The following PLXDC2 variants were observed in gnomAD, a reference collection of about 807,000 sequenced individuals.
PLXDC2 encodes the protein plexin domain-containing protein 2.
Under a neutral mutation model 68.9 loss-of-function variants are expected in PLXDC2, and 40 were observed. That is an observed-to-expected ratio of 0.58 (90% CI 0.45 to 0.76). The LOEUF (loss-of-function observed/expected upper bound fraction) is 0.76. Among genes scored for constraint, PLXDC2 ranks in the 30% least tolerant of loss-of-function variants. PLXDC2 has a pLI of 0.00. For missense variants in PLXDC2, 644 were observed against 661.9 expected, an observed-to-expected ratio of 0.97 and a Z score of 0.30; for synonymous variants, 243 against 234.2, an observed-to-expected ratio of 1.04 and a Z score of -0.34.
intron 4 of PLXDC2, among the ~76,000 whole-genome samples, chr10:20,083,382 C>G (rs1182320802): frequency 6.7e-6 from 1 of 149,578 alleles, no homozygotes; most frequent in Non-Finnish European, 1.5e-5. Context: ...GAAGCTGAGG[C>G]AGGAGAATGG....
At chr10:20,195,041 C>T (rs1483372120) in intron 9 of PLXDC2, among the ~76,000 whole-genome samples, 2 of 151,844 alleles carry the variant, frequency 1.3e-5, no homozygotes, top group African/African-American at 2.4e-5. Flanking sequence ...CATAACAAGC[C>T]TAGATGAATT....
At chr10:19,835,355 A>T (rs542729688) in intron 1 of PLXDC2, among the ~76,000 whole-genome samples, 44 of 152,308 alleles carry the variant, frequency 2.9e-4, no homozygotes, top group African/African-American at 5.8e-4. Context: ...ATCAATAAAG[A>T]TGGAATGTGA....
chr10:19,877,622 C>G (rs545172628), intron 1 of PLXDC2, among the ~76,000 whole-genome samples: 54 of 152,338 alleles, frequency 3.5e-4, no homozygotes, highest in African/African-American at 1.3e-3. Flanking sequence ...AAGTATGTAT[C>G]CAAGGGCCAT....
At chr10:20,048,732 C>T (rs914961355) in intron 3 of PLXDC2, among the ~76,000 whole-genome samples, 2 of 152,070 alleles carry the variant, frequency 1.3e-5, no homozygotes, top group Non-Finnish European at 2.9e-5. Flanking sequence ...AATATGGCTA[C>T]CATCTGTCTC....
intron 4 of PLXDC2, among the ~76,000 whole-genome samples, chr10:20,081,588 G>A (rs551373309): frequency 1.3e-5 from 2 of 152,252 alleles, no homozygotes; most frequent in South Asian, 4.1e-4. Context: ...GTCAAACTAG[G>A]AAGCTCGGAG....
chr10:20,024,662 C>T (rs1051845220), intron 2 of PLXDC2, among the ~76,000 whole-genome samples: 2 of 152,000 alleles, frequency 1.3e-5, no homozygotes, highest in Admixed American at 1.3e-4. Context: ...TATATTGTGT[C>T]TGATACTCAG....
rs1564332322 is a variant in PLXDC2, at chr10:20,146,450, T to TTC, written c.665-1334_665-1333insTC. Reference sequence around the variant, plus strand: ...CTTTCTTTTTCTTTCTTTCTTCCTTTCTTCCTTCCTTCCTTCCTTTCTTTC... The same window carrying TTC: ...CTTTCTTTTTCTTTCTTTCTTCCTTTTCCTTCCTTCCTTCCTTCCTTTCTTTC... On this transcript the variant is annotated intron_variant, in intron 5 of 13. Transcript: ENST00000377252. 9.1e-4 allele frequency among the ~76,000 whole-genome samples: 133 copies of TTC among 145,836 alleles called. 1 individual carries two copies. The highest frequency in any genetic ancestry group is 1.6e-3 in the Non-Finnish European group (105 of 66,264).
chr10:20,126,100 C>A (rs1239665496), intron 4 of PLXDC2, among the ~76,000 whole-genome samples: 1 of 146,640 alleles, frequency 6.8e-6, no homozygotes, highest in African/African-American at 2.5e-5. Flanking sequence ...TATAAAACAT[C>A]AATATGTATG....
intron 1 of PLXDC2, among the ~76,000 whole-genome samples, chr10:19,916,037 A>G (rs183480143): frequency 5.2e-4 from 79 of 152,054 alleles, no homozygotes; most frequent in East Asian, 4.7e-3. Flanking sequence ...TACAAAGTAC[A>G]TCTGACTTGG....
chr10:20,032,969 T>C (rs1835524772), intron 2 of PLXDC2, among the ~76,000 whole-genome samples: 2 of 139,898 alleles, frequency 1.4e-5, no homozygotes, highest in African/African-American at 5.4e-5. Flanking sequence ...TCACTCTTGG[T>C]GAGAAGTAAA....
chr10:19,879,064 C>G (rs961682582), intron 1 of PLXDC2, among the ~76,000 whole-genome samples: 1 of 152,116 alleles, frequency 6.6e-6, no homozygotes, highest in South Asian at 2.1e-4. Context: ...CTTGTCTCTG[C>G]CTGTATCATT....
At chr10:20,000,414 A>T (rs1310759825) in intron 1 of PLXDC2, among the ~76,000 whole-genome samples, 1 of 151,668 alleles carries the variant, frequency 6.6e-6, no homozygotes, top group African/African-American at 2.4e-5. Flanking sequence ...CTAACATTCT[A>T]TGAGCTCAAG....
chr10:19,944,653 A>G (rs1248506583), intron 1 of PLXDC2, among the ~76,000 whole-genome samples: 1 of 152,156 alleles, frequency 6.6e-6, no homozygotes, highest in East Asian at 1.9e-4. Flanking sequence ...TAAGGTAAAG[A>G]AATAGAAGCA....
intron 4 of PLXDC2, among the ~76,000 whole-genome samples, chr10:20,106,190 G>C (rs1833489398): frequency 6.6e-6 from 1 of 152,186 alleles, no homozygotes; most frequent in African/African-American, 2.4e-5. Flanking sequence ...TTGGTAGGTT[G>C]AAGAATCTCC....
chr10:19,917,462 T>A (rs1214119749), intron 1 of PLXDC2, among the ~76,000 whole-genome samples: 1 of 152,236 alleles, frequency 6.6e-6, no homozygotes, highest in Non-Finnish European at 1.5e-5. Flanking sequence ...CTTCAAATTC[T>A]ATGACTTTCC....
At chr10:19,876,620 A>G (rs77663010) in intron 1 of PLXDC2, among the ~76,000 whole-genome samples, 1 of 143,866 alleles carries the variant, frequency 7.0e-6, no homozygotes, top group Admixed American at 6.9e-5. Flanking sequence ...AAAAAAAAAA[A>G]AAAAAGAGAG....
chr10:19,973,116 A>AT (rs1834381405), intron 1 of PLXDC2, among the ~76,000 whole-genome samples: 2 of 151,498 alleles, frequency 1.3e-5, no homozygotes, highest in South Asian at 2.1e-4. Flanking sequence ...TTTTAATTAT[A>AT]TTTTTTCTTA....
chr10:20,249,251 A>G (rs1835639477), intron 13 of PLXDC2, among the ~76,000 whole-genome samples: 2 of 152,242 alleles, frequency 1.3e-5, no homozygotes, highest in East Asian at 3.8e-4. Context: ...CTCGGAATGC[A>G]CTGAGAGCCT....
intron 1 of PLXDC2, among the ~76,000 whole-genome samples, chr10:19,967,301 G>A (rs1834279501): frequency 6.6e-6 from 1 of 152,104 alleles, no homozygotes; most frequent in Non-Finnish European, 1.5e-5. Context: ...TATAAGATAT[G>A]CCTAGAACAC....
Sources: gnomAD v4.1 joint callset for allele counts (sites outside exome capture counted in the v4.1 genomes callset) on GRCh38, gnomAD v4.1.1 for gene constraint, MANE v1.5 for transcripts, NCBI Gene and HGNC (gene_info 2026-07-23, HGNC 2026-07-21) for gene names.